The following KSR2 variants were observed in gnomAD, a reference collection of about 807,000 sequenced individuals.
The protein encoded by KSR2 is kinase suppressor of ras 2.
KSR2 carries 25 observed loss-of-function variants against 107.8 expected under a neutral mutation model. The ratio of observed to expected loss-of-function variants is 0.23; its 90% CI spans 0.17 to 0.32. The LOEUF (loss-of-function observed/expected upper bound fraction) is 0.32. Ranked by LOEUF, KSR2 falls within the 10% of genes least tolerant of loss-of-function variation. KSR2 has a pLI of 1.00. For synonymous variants in KSR2, 480 were observed against 507.0 expected (o/e 0.95, Z 0.71); for missense variants, 887 against 1,268.9 (o/e 0.70, Z 4.57).
intron 14 of KSR2, among the ~76,000 whole-genome samples, chr12:117,491,652 T>C (rs570781731): frequency 5.3e-5 from 8 of 152,326 alleles, no homozygotes; most frequent in African/African-American, 1.7e-4. Context: ...TTCGAGTTGA[T>C]TCCATATCTT....
At chr12:117,582,186 G>A (rs1879705556) in intron 6 of KSR2, 104 bp downstream of exon 6, 1 of 907,142 alleles carries the variant, frequency 1.1e-6, no homozygotes, top group Admixed American at 2.0e-5. Flanking sequence ...GTAGGTGCTG[G>A]AGCTCAATAG....
At chr12:117,539,691 C>A (rs1359356439) in intron 10 of KSR2, 28 bp downstream of exon 10, 3 of 1,585,404 alleles carry the variant, frequency 1.9e-6, no homozygotes, top group African/African-American at 2.7e-5. Flanking sequence ...ACGCTGCACC[C>A]CTCATGTCTC....
At chr12:117,580,975 G>A (rs979115963) in intron 6 of KSR2, among the ~76,000 whole-genome samples, 1 of 152,172 alleles carries the variant, frequency 6.6e-6, no homozygotes, top group Non-Finnish European at 1.5e-5. Flanking sequence ...TGGCCAAACC[G>A]GGGTGGAGCA....
intron 3 of KSR2, among the ~76,000 whole-genome samples, chr12:117,815,178 A>G (rs1478127768): frequency 6.6e-6 from 1 of 152,242 alleles, no homozygotes; most frequent in Non-Finnish European, 1.5e-5. Context: ...TTACAATTCT[A>G]TATTTCACAC....
chr12:117,593,136 C>G (rs868508619), intron 5 of KSR2, among the ~76,000 whole-genome samples: 2 of 152,094 alleles, frequency 1.3e-5, no homozygotes, highest in Non-Finnish European at 2.9e-5. Context: ...GGTGCAGAGC[C>G]ATCTCAACCC....
intron 5 of KSR2, among the ~76,000 whole-genome samples, chr12:117,591,914 C>T (rs889271652): frequency 6.6e-6 from 1 of 151,510 alleles, no homozygotes; most frequent in Non-Finnish European, 1.5e-5. Context: ...GAGGCTGAGG[C>T]ATGAGAATCG....
At chr12:117,594,048 C>T (rs1399268449) in intron 5 of KSR2, among the ~76,000 whole-genome samples, 3 of 152,198 alleles carry the variant, frequency 2.0e-5, no homozygotes, top group African/African-American at 4.8e-5. Context: ...ACATATTTAT[C>T]GCCTTGAACT....
rs569969690 is a variant in KSR2 at position 117,666,270 on chromosome 12, G to A, written c.1171+1204C>T. Among the ~76,000 whole-genome samples, 6 of 152,238 alleles carry A rather than the reference G, an allele frequency of 3.9e-5. No homozygotes were observed. In the South Asian group the frequency reaches 8.3e-4, roughly 21 times the overall value. ...TCGGGCCCCAGCCTAACCATCTAGCGGGATGTTGGATATTACATGTACCTG... is the reference window on the plus strand; with the variant it reads ...TCGGGCCCCAGCCTAACCATCTAGCAGGATGTTGGATATTACATGTACCTG... On this transcript the variant is annotated intron_variant, in intron 5 of 19. Transcript: ENST00000339824.
intron 17 of KSR2, among the ~76,000 whole-genome samples, chr12:117,475,351 C>A (rs1345562775): frequency 6.6e-6 from 1 of 152,166 alleles, no homozygotes; most frequent in Non-Finnish European, 1.5e-5. Context: ...AATTTTTTTC[C>A]TGACTCTTCA....
chr12:117,811,875 C>A (rs1891200794), intron 3 of KSR2, among the ~76,000 whole-genome samples: 1 of 152,186 alleles, frequency 6.6e-6, no homozygotes, highest in African/African-American at 2.4e-5. Flanking sequence ...TCTGCAGGGA[C>A]CTGAGGCAAC....
chr12:117,966,002 G>GGC (rs1896774878), intron 1 of KSR2, among the ~76,000 whole-genome samples: 2 of 2,766 alleles, frequency 7.2e-4, no homozygotes, highest in Admixed American at 0.014. Context: ...GGGCAAGATG[G>GGC]ATGAAAGTGG....
chr12:117,638,294 C>T (rs1323840684), intron 5 of KSR2, among the ~76,000 whole-genome samples: 1 of 151,950 alleles, frequency 6.6e-6, no homozygotes. Flanking sequence ...CTTTTAAATT[C>T]CGGTTAAACT....
intron 5 of KSR2, among the ~76,000 whole-genome samples, chr12:117,640,339 C>T (rs1174429074): frequency 6.6e-6 from 1 of 152,086 alleles, no homozygotes; most frequent in African/African-American, 2.4e-5. Flanking sequence ...CAACCTTCAC[C>T]TCCCAAGTTC....
intron 4 of KSR2, among the ~76,000 whole-genome samples, chr12:117,700,237 T>C (rs549195346): frequency 1.4e-4 from 22 of 152,236 alleles, no homozygotes; most frequent in African/African-American, 5.3e-4. Context: ...ATTGTTATCC[T>C]CATTTTACAG....
At chr12:117,639,031 T>C (rs374562513) in intron 5 of KSR2, among the ~76,000 whole-genome samples, 9 of 152,096 alleles carry the variant, frequency 5.9e-5, no homozygotes, top group African/African-American at 1.9e-4. Flanking sequence ...CACACCCTAA[T>C]CCCGGCCCTC....
intron 4 of KSR2, among the ~76,000 whole-genome samples, chr12:117,673,947 T>C (rs564083221): frequency 7.6e-4 from 115 of 152,264 alleles, no homozygotes; most frequent in South Asian, 2.9e-3. Flanking sequence ...GGGTGTACCA[T>C]GGTGCTTTCT....
At chr12:117,611,445 G>GACACACACACACACACAC (rs6144887) in intron 5 of KSR2, among the ~76,000 whole-genome samples, 5,128 of 144,574 alleles carry the variant, frequency 0.035, 234 homozygotes, top group African/African-American at 0.1. Context: ...TGCACGCACA[G>GACACACACACACACACAC]ACACACACAC....
chr12:117,655,220 G>A (rs1423521434), intron 5 of KSR2, among the ~76,000 whole-genome samples: 4 of 152,170 alleles, frequency 2.6e-5, no homozygotes, highest in African/African-American at 4.8e-5. Context: ...GTGGACTCAC[G>A]GAATGGCTTA....
rs550568832 is a variant in KSR2 at position 117,485,523 on chromosome 12, G to A, written c.2316+72C>T. 4.5e-5 allele frequency: 52 copies of A among 1,143,020 alleles called. No homozygotes were observed. The South Asian group carries it at 6.2e-4, about 14-fold the overall frequency. 70.8% of individuals were successfully genotyped at this position (1,143,020 alleles called of 1,614,324 possible). A position where few individuals can be genotyped will look rare whatever the true frequency, so the allele number is the denominator to read the frequency against. On this transcript the variant is annotated intron_variant, in intron 15 of 19. Coordinates refer to ENST00000339824, the MANE Select transcript of KSR2 (RefSeq NM_173598.6). ...CAACCATGAATCTTAGGAGCCCTGG[G>A]GTAGGGGGGCTTCCCTGGGGGAAAC... is the stretch of plus-strand genomic sequence containing the variant.
Sources: allele counts gnomAD v4.1 joint callset (sites outside exome capture counted in the v4.1 genomes callset), GRCh38; gene constraint gnomAD v4.1.1; transcripts MANE v1.5; gene names NCBI Gene and HGNC (gene_info 2026-07-23, HGNC 2026-07-21).